Variants in RNF150 observed in about 807,000 individuals in gnomAD.
RNF150 encodes the protein ring finger protein 150.
In RNF150, 24 loss-of-function variants were observed where a neutral mutation model predicts 39.3. The observed-to-expected ratio is 0.61, with a 90% confidence interval of 0.44 to 0.86. The LOEUF (loss-of-function observed/expected upper bound fraction) is 0.86, where lower values mean the gene tolerates loss of function less well. RNF150 is among the 40% of genes least tolerant of loss of function. The probability of loss-of-function intolerance (pLI) is 0.00; values close to 1 mark genes in which losing one functional copy is unlikely to be tolerated. For synonymous variants in RNF150, 255 were observed against 227.3 expected (o/e 1.12, Z -1.10); for missense variants, 502 against 587.8 (o/e 0.85, Z 1.51).
chr4:140,929,118 G>A (rs1731513999), intron 4 of RNF150, among the ~76,000 whole-genome samples: 1 of 152,146 alleles, frequency 6.6e-6, no homozygotes, highest in South Asian at 2.1e-4. Context: ...GCAGGGCTCT[G>A]CTGTTTTCTG....
intron 4 of RNF150, among the ~76,000 whole-genome samples, chr4:140,928,189 AAAT>A (rs1439998365): frequency 2.0e-5 from 3 of 152,346 alleles, no homozygotes; most frequent in Non-Finnish European, 4.4e-5. Context: ...GACATTAATA[AAAT>A]AATACAGAAG....
At chr4:141,004,139 C>T (rs1734777732) in intron 1 of RNF150, among the ~76,000 whole-genome samples, 1 of 151,562 alleles carries the variant, frequency 6.6e-6, no homozygotes, top group African/African-American at 2.4e-5. Context: ...ATGCTAGGCT[C>T]TATGGCTACA....
At chr4:141,011,408 C>G (rs1437245261) in intron 1 of RNF150, among the ~76,000 whole-genome samples, 1 of 152,148 alleles carries the variant, frequency 6.6e-6, no homozygotes, top group East Asian at 1.9e-4. Context: ...TTCTTCTCCT[C>G]AATAGTTCTA....
At chr4:141,144,850 G>T (rs1314664176) in intron 1 of RNF150, among the ~76,000 whole-genome samples, 2 of 152,084 alleles carry the variant, frequency 1.3e-5, no homozygotes, top group African/African-American at 2.4e-5. Context: ...AACGTAGAAG[G>T]AAGGAAGGAA....
In RNF150 at chr4:140,866,527, C is replaced by G. The variant is rs1463271824; in HGVS notation, c.*1734G>C. On this transcript the variant is annotated 3_prime_UTR_variant, in exon 7 of 7. Coordinates refer to ENST00000515673, the MANE Select transcript of RNF150 (RefSeq NM_020724.2). The stretch of plus-strand genomic sequence containing the variant: ...TGAGGGTAATAATCATCTGCCTTGC[C>G]TTACTGTCTACTTACAAACCATCAA... 6.6e-6 allele frequency: 1 copy of G among 152,174 alleles called. No individual in the cohort carries two copies. 9.4% of individuals were successfully genotyped at this position (152,174 alleles called of 1,614,324 possible). A position where few individuals can be genotyped will look rare whatever the true frequency, so the allele number is the denominator to read the frequency against.
chr4:141,034,457 A>G (rs1736068122), intron 1 of RNF150, among the ~76,000 whole-genome samples: 1 of 152,166 alleles, frequency 6.6e-6, no homozygotes, highest in Non-Finnish European at 1.5e-5. Context: ...CTTATCATTC[A>G]TTTGTTCACT....
chr4:141,099,081 T>C (rs1232396934), intron 1 of RNF150, among the ~76,000 whole-genome samples: 1 of 152,142 alleles, frequency 6.6e-6, no homozygotes, highest in African/African-American at 2.4e-5. Context: ...CTTATATAGT[T>C]ATACTGAAAA....
intron 6 of RNF150, among the ~76,000 whole-genome samples, chr4:140,910,075 GTTCT>G (rs1017986316): frequency 7.2e-5 from 11 of 151,950 alleles, no homozygotes; most frequent in African/African-American, 1.7e-4. Flanking sequence ...TTTTTAGTCT[GTTCT>G]TTCTTTATCT....
At chr4:141,162,013 G>A (rs1727520950) in intron 1 of RNF150, among the ~76,000 whole-genome samples, 1 of 152,196 alleles carries the variant, frequency 6.6e-6, no homozygotes, top group African/African-American at 2.4e-5. Context: ...TCCGCAATGG[G>A]GCATTGCCTA....
At chr4:140,910,022 T>TTGAC (rs2111269845) in intron 6 of RNF150, among the ~76,000 whole-genome samples, 1 of 152,334 alleles carries the variant, frequency 6.6e-6, no homozygotes, top group African/African-American at 2.4e-5. Flanking sequence ...TTAAGAGTGA[T>TTGAC]TGTTTCCAAG....
chr4:141,127,562 C>A (rs1337306440), intron 1 of RNF150, among the ~76,000 whole-genome samples: 2 of 152,132 alleles, frequency 1.3e-5, no homozygotes, highest in Non-Finnish European at 2.9e-5. Flanking sequence ...ACTCTGAGCA[C>A]CCACCTATGG....
intron 1 of RNF150, among the ~76,000 whole-genome samples, chr4:141,047,272 T>C (rs1272621777): frequency 6.6e-6 from 1 of 152,140 alleles, no homozygotes; most frequent in Non-Finnish European, 1.5e-5. Flanking sequence ...GACAGTATTC[T>C]GAACGTGTCC....
intron 1 of RNF150, among the ~76,000 whole-genome samples, chr4:141,167,550 AG>A (rs1727626087): frequency 6.6e-6 from 1 of 152,200 alleles, no homozygotes; most frequent in Non-Finnish European, 1.5e-5. Context: ...CTGTACTACA[AG>A]GCTACAGTAA....
intron 6 of RNF150, among the ~76,000 whole-genome samples, chr4:140,891,900 T>C (rs1729766966): frequency 6.6e-6 from 1 of 152,080 alleles, no homozygotes; most frequent in Non-Finnish European, 1.5e-5. Flanking sequence ...AGGCTGTGCA[T>C]TCCTTGTGAG....
intron 6 of RNF150, among the ~76,000 whole-genome samples, chr4:140,907,713 T>C (rs576364990): frequency 1.4e-3 from 208 of 152,368 alleles, no homozygotes; most frequent in African/African-American, 5.0e-3. Context: ...TCTCTGAGCA[T>C]AGCATTGCTA....
upstream of RNF150, among the ~76,000 whole-genome samples, chr4:141,133,624 G>C (rs896825147): frequency 6.6e-6 from 1 of 152,068 alleles, no homozygotes; most frequent in Non-Finnish European, 1.5e-5. Context: ...ACCTCAATCG[G>C]CGACTTAATC....
At chr4:141,047,838 T>G (rs1188025125) in intron 1 of RNF150, among the ~76,000 whole-genome samples, 1 of 152,148 alleles carries the variant, frequency 6.6e-6, no homozygotes, top group East Asian at 1.9e-4. Context: ...GGATCATTTA[T>G]CTCTACAGAA....
intron 1 of RNF150, among the ~76,000 whole-genome samples, chr4:141,120,451 T>G (rs1560748606): frequency 6.6e-6 from 1 of 152,148 alleles, no homozygotes; most frequent in Non-Finnish European, 1.5e-5. Flanking sequence ...TCTAAAACGC[T>G]GCCAAATTGT....
At chr4:140,995,624 T>C (rs1734337564) in intron 1 of RNF150, among the ~76,000 whole-genome samples, 1 of 152,174 alleles carries the variant, frequency 6.6e-6, no homozygotes, top group Non-Finnish European at 1.5e-5. Context: ...TTTGGTCTGG[T>C]GTCTGAACCC....
Sources: gnomAD v4.1 joint callset for allele counts (sites outside exome capture counted in the v4.1 genomes callset) on GRCh38, gnomAD v4.1.1 for gene constraint, MANE v1.5 for transcripts, NCBI Gene and HGNC (gene_info 2026-07-23, HGNC 2026-07-21) for gene names.